The following PPP2CB variants were observed in gnomAD, a reference collection of about 807,000 sequenced individuals.
The protein encoded by PPP2CB is protein phosphatase 2 catalytic subunit beta.
A neutral mutation model predicts 39.1 loss-of-function variants in PPP2CB; 18 were observed. That is an observed-to-expected ratio of 0.46 (90% confidence interval 0.32 to 0.68). The LOEUF (loss-of-function observed/expected upper bound fraction) is 0.68. Ranked by LOEUF, PPP2CB falls within the 30% of genes least tolerant of loss-of-function variation. The pLI is 0.04. For missense variants in PPP2CB, 226 were observed against 396.9 expected (o/e 0.57, Z 3.66); for synonymous variants, 129 against 133.8 (o/e 0.96, Z 0.25).
In PPP2CB at chr8:30,799,528, G is replaced by C; in HGVS notation, c.312+18C>G. The stretch of plus-strand genomic sequence containing the variant: ...TGGTTTAAATCTTGAAAAAAAAATT[G>C]AATTTCAATAATCATACCTTTAATG... On this transcript the variant is annotated intron_variant, in intron 2 of 6. Transcript: ENST00000221138. The C allele has an allele frequency of 2.5e-6, 4 of 1,584,398 alleles. No homozygotes were observed. The highest frequency in any genetic ancestry group is 3.5e-6 in the Non-Finnish European group (4 of 1,158,604).
intron 1 of PPP2CB, among the ~76,000 whole-genome samples, chr8:30,804,141 C>CA (rs1448003144): frequency 2.6e-5 from 4 of 151,900 alleles, no homozygotes; most frequent in Admixed American, 2.0e-4. Context: ...AAACTTAAAA[C>CA]AAAAAAAGAA....
chr8:30,794,308 G>T, intron 3 of PPP2CB, 27 bp from the exon 4 acceptor site: 1 of 1,562,426 alleles, frequency 6.4e-7, no homozygotes, highest in South Asian at 1.1e-5. Context: ...AAAAGAGAAT[G>T]TATTTGTTTT....
In PPP2CB at chr8:30,812,562, G is replaced by A. The variant is rs1244475326; in HGVS notation, c.-141C>T. On this transcript the variant is annotated 5_prime_UTR_variant, in exon 1 of 7. Transcript: ENST00000221138. ...CCAGGTCCCACAGGGGGAGGACTGA[G>A]CCGGGTAGGGCGGCCGCGGGCCCCG... 2.2e-6 allele frequency: 1 copy of A among 450,386 alleles called. No homozygotes were observed. Among genetic ancestry groups the A allele is most frequent in the Non-Finnish European group, 3.5e-6 (1 of 284,922 alleles). The allele number at this position is 450,386 out of a possible 1,614,324, so 27.9% of individuals were successfully genotyped here. A position where few individuals can be genotyped will look rare whatever the true frequency, so the allele number is the denominator to read the frequency against.
chr8:30,795,677 T>A (rs1806511600), intron 3 of PPP2CB, among the ~76,000 whole-genome samples: 1 of 152,228 alleles, frequency 6.6e-6, no homozygotes, highest in Admixed American at 6.5e-5. Flanking sequence ...CTTAAAGGTT[T>A]GGTAGAATTA....
At chr8:30,786,558 G>T in intron 6 of PPP2CB, 1 of 237,908 alleles carries the variant, frequency 4.2e-6, no homozygotes, top group Non-Finnish European at 7.7e-6. Context: ...ATTTCTAAAT[G>T]TTATTATTAT....
At chr8:30,788,829 G>C (rs945167172) in intron 6 of PPP2CB, among the ~76,000 whole-genome samples, 2 of 152,182 alleles carry the variant, frequency 1.3e-5, no homozygotes, top group African/African-American at 4.8e-5. Context: ...TTCCTGTGTA[G>C]AGGTCACACT....
At chr8:30,810,295 AC>A in intron 1 of PPP2CB, 1 of 152,384 alleles carries the variant, frequency 6.6e-6, no homozygotes. Context: ...TACTAGAAAT[AC>A]AAAAATTAGC....
At chr8:30,807,079 C>T (rs1200834706) in intron 1 of PPP2CB, among the ~76,000 whole-genome samples, 1 of 152,148 alleles carries the variant, frequency 6.6e-6, no homozygotes, top group Non-Finnish European at 1.5e-5. Context: ...ATGATTTGTT[C>T]AGTCACTAGA....
intron 1 of PPP2CB, among the ~76,000 whole-genome samples, chr8:30,811,619 C>G (rs925989924): frequency 2.6e-5 from 4 of 151,826 alleles, no homozygotes; most frequent in African/African-American, 7.3e-5. Flanking sequence ...CCTCAGCCTC[C>G]CGAATAGCTG....
At chr8:30,787,990 T>C (rs1806371646) in intron 6 of PPP2CB, among the ~76,000 whole-genome samples, 1 of 152,200 alleles carries the variant, frequency 6.6e-6, no homozygotes, top group Admixed American at 6.5e-5. Flanking sequence ...TAGTTATTTA[T>C]TGTATTCCCT....
Position 30,785,783 on chromosome 8 carries a change from T to A in PPP2CB, c.*452A>T. On this transcript the variant is annotated 3_prime_UTR_variant, in exon 7 of 7. Coordinates refer to ENST00000221138, the MANE Select transcript of PPP2CB (RefSeq NM_001009552.2). Reference sequence around the variant, plus strand: ...CAACATACTCCCAAGAAGAACCTTTTCTTCAGTTAAGTTAATTATACATTT... The same window carrying A: ...CAACATACTCCCAAGAAGAACCTTTACTTCAGTTAAGTTAATTATACATTT... 1 of 296,994 alleles carries A rather than the reference T, an allele frequency of 3.4e-6. No individual in the cohort carries two copies. Among genetic ancestry groups the A allele is most frequent in the Non-Finnish European group, 6.6e-6 (1 of 151,122 alleles). 18.4% of individuals were successfully genotyped at this position (296,994 alleles called of 1,614,324 possible). A position where few individuals can be genotyped will look rare whatever the true frequency, so the allele number is the denominator to read the frequency against.
intron 6 of PPP2CB, chr8:30,790,889 A>G: frequency 4.4e-6 from 1 of 229,176 alleles, no homozygotes; most frequent in Non-Finnish European, 8.4e-6. Context: ...TTTCTGTGAG[A>G]GGGATCTGGG....
intron 5 of PPP2CB, 168 bp downstream of exon 5, chr8:30,793,749 C>T: frequency 3.2e-6 from 2 of 633,660 alleles, no homozygotes; most frequent in South Asian, 4.8e-5. Context: ...AGTTATAATT[C>T]TGCTCTGGTC....
At position 30,812,694 on chromosome 8, in the gene PPP2CB, G is replaced by A; in HGVS notation, c.-273C>T. The A allele has an allele frequency of 2.5e-6, 1 of 398,422 alleles. No homozygotes were observed. Among genetic ancestry groups the A allele is most frequent in the Middle Eastern group, 6.6e-4 (1 of 1,512 alleles). 24.7% of individuals were successfully genotyped at this position (398,422 alleles called of 1,614,324 possible). A position where few individuals can be genotyped will look rare whatever the true frequency, so the allele number is the denominator to read the frequency against. On this transcript the variant is annotated 5_prime_UTR_variant, in exon 1 of 7. Transcript: ENST00000221138. ...GCCGCGGGAGTCGGTGAAGGACGCG[G>A]TGAGGTGCCGGGGAGCGCGGCGCGG...
At chr8:30,794,307 T>C in intron 3 of PPP2CB, 26 bp from the exon 4 acceptor site, 1 of 1,565,380 alleles carries the variant, frequency 6.4e-7, no homozygotes, top group East Asian at 2.2e-5. Context: ...CAAAAGAGAA[T>C]GTATTTGTTT....
intron 6 of PPP2CB, among the ~76,000 whole-genome samples, chr8:30,790,610 A>C (rs1806414150): frequency 6.6e-6 from 1 of 152,166 alleles, no homozygotes; most frequent in South Asian, 2.1e-4. Flanking sequence ...TGCTGGGGTA[A>C]CAGCATTGGG....
intron 3 of PPP2CB, among the ~76,000 whole-genome samples, chr8:30,797,086 C>T (rs930694691): frequency 1.3e-5 from 2 of 152,132 alleles, no homozygotes; most frequent in Non-Finnish European, 2.9e-5. Context: ...TGAACTCAAG[C>T]GGTCCTCTTG....
intron 1 of PPP2CB, among the ~76,000 whole-genome samples, chr8:30,804,527 C>T (rs1806686484): frequency 6.6e-6 from 1 of 152,172 alleles, no homozygotes; most frequent in African/African-American, 2.4e-5. Flanking sequence ...TTTCCCTTGG[C>T]TTACTTTAAA....
At chr8:30,797,545 T>C (rs1322206725) in intron 3 of PPP2CB, 36 bp downstream of exon 3, 3 of 1,544,750 alleles carry the variant, frequency 1.9e-6, no homozygotes, top group African/African-American at 1.4e-5. Context: ...TGCTTCCATT[T>C]ACCTCCTCCC....
Sources: gnomAD v4.1 joint callset for allele counts (sites outside exome capture counted in the v4.1 genomes callset) on GRCh38, gnomAD v4.1.1 for gene constraint, MANE v1.5 for transcripts, NCBI Gene and HGNC (gene_info 2026-07-23, HGNC 2026-07-21) for gene names.